The following KIAA1328 variants were observed in gnomAD, a reference collection of about 807,000 sequenced individuals.
The protein encoded by KIAA1328 is KIAA1328, also known as protein hinderin.
KIAA1328 carries 52 observed loss-of-function variants against 68.1 expected under a neutral mutation model. That is an observed-to-expected ratio of 0.76 (90% CI 0.61 to 0.96). The LOEUF (loss-of-function observed/expected upper bound fraction) is 0.96, where lower values mean the gene tolerates loss of function less well. Among genes scored for constraint, KIAA1328 ranks in the 40% least tolerant of loss-of-function variants. The pLI, the probability that KIAA1328 is intolerant of heterozygous loss-of-function variation, is 0.00. For missense variants in KIAA1328, 641 were observed against 677.6 expected (o/e 0.95, Z 0.60); for synonymous variants, 232 against 239.4 (o/e 0.97, Z 0.28).
intron 4 of KIAA1328, among the ~76,000 whole-genome samples, chr18:36,882,589 G>T (rs566554951): frequency 1.3e-5 from 2 of 152,040 alleles, no homozygotes; most frequent in African/African-American, 4.8e-5. Context: ...GCCTTCCAGG[G>T]CTTAATAATT....
At chr18:36,975,062 A>G (rs1048072691) in intron 6 of KIAA1328, among the ~76,000 whole-genome samples, 2 of 152,208 alleles carry the variant, frequency 1.3e-5, no homozygotes, top group Non-Finnish European at 2.9e-5. Flanking sequence ...TCTTGAGTGC[A>G]GAAGAGAGAG....
chr18:37,134,244 C>G (rs1168391587), intron 7 of KIAA1328, among the ~76,000 whole-genome samples: 1 of 152,168 alleles, frequency 6.6e-6, no homozygotes. Context: ...AACTCCTGAC[C>G]TCATGATCTG....
chr18:36,871,659 A>G (rs2047948645), intron 4 of KIAA1328, among the ~76,000 whole-genome samples: 1 of 152,092 alleles, frequency 6.6e-6, no homozygotes, highest in East Asian at 1.9e-4. Context: ...AGTAAAGAAC[A>G]TTGCTGCCAG....
chr18:36,977,223 T>C (rs912164499), intron 6 of KIAA1328, among the ~76,000 whole-genome samples: 51 of 152,216 alleles, frequency 3.4e-4, no homozygotes, highest in Admixed American at 3.3e-3. Flanking sequence ...TCTTTCACTG[T>C]GTATCCTTAA....
intron 4 of KIAA1328, among the ~76,000 whole-genome samples, chr18:36,845,295 G>T (rs2046990362): frequency 6.6e-6 from 1 of 151,638 alleles, no homozygotes; most frequent in African/African-American, 2.4e-5. Flanking sequence ...ATTAATTTCA[G>T]TGTTCTTTTA....
chr18:37,056,801 C>T (rs1296877629), intron 6 of KIAA1328, among the ~76,000 whole-genome samples: 3 of 152,090 alleles, frequency 2.0e-5, no homozygotes, highest in South Asian at 2.1e-4. Context: ...CAGGAGTGCA[C>T]CACCATGCCT....
At chr18:36,864,421 C>T (rs1013449163) in intron 4 of KIAA1328, among the ~76,000 whole-genome samples, 6 of 151,844 alleles carry the variant, frequency 4.0e-5, no homozygotes, top group African/African-American at 1.2e-4. Context: ...CCTGCCTCAG[C>T]CTCCTGAGTA....
rs1012572634 is a variant in KIAA1328, at chr18:37,097,033, A to G, written c.1232+29488A>G. ...CTCCCATTCTGTAGATTGCCTGTTC[A>G]CTCTGATGGTAGTTTCTTTTGCTGT... On this transcript the variant is annotated intron_variant, in intron 7 of 9. Coordinates refer to ENST00000280020, the MANE Select transcript of KIAA1328 (RefSeq NM_020776.3). Among the ~76,000 whole-genome samples, 48 of 151,884 alleles carry G rather than the reference A, an allele frequency of 3.2e-4. 1 individual carries two copies. Among genetic ancestry groups the G allele is most frequent in the African/African-American group, 1.1e-3 (47 of 41,402 alleles).
chr18:37,205,186 A>G (rs2060194529), intron 9 of KIAA1328, among the ~76,000 whole-genome samples: 2 of 152,216 alleles, frequency 1.3e-5, no homozygotes, highest in African/African-American at 2.4e-5. Flanking sequence ...TTTCTGTCCA[A>G]CCATATCATC....
intron 5 of KIAA1328, among the ~76,000 whole-genome samples, chr18:36,907,775 G>A (rs566042860): frequency 2.6e-5 from 4 of 152,104 alleles, no homozygotes; most frequent in Non-Finnish European, 4.4e-5. Flanking sequence ...GAGTTGTGAA[G>A]CATTTCCCCC....
chr18:37,206,380 CAT>C (rs916181949), intron 9 of KIAA1328, among the ~76,000 whole-genome samples: 3 of 152,144 alleles, frequency 2.0e-5, no homozygotes, highest in Admixed American at 6.6e-5. Context: ...CTATGAGGAA[CAT>C]ATCTGTTCTC....
chr18:37,039,828 C>T (rs2055175866), intron 6 of KIAA1328, among the ~76,000 whole-genome samples: 1 of 152,172 alleles, frequency 6.6e-6, no homozygotes, highest in Admixed American at 6.5e-5. Context: ...GGGTTCTCCA[C>T]TGGGGATACT....
Position 36,844,267 on chromosome 18 carries a change from A to C in KIAA1328, c.297A>C (p.Lys99Asn). The change falls in exon 4 of 10, where the codon AAA becomes AAC. Residue 99 changes from lysine to asparagine, a missense_variant. Physicochemically the swap from Lys to Asn is moderately conservative, Grantham distance 94 (BLOSUM62 0). Transcript: ENST00000280020. The part of the protein sequence containing the change: ...ASLKDLCLED[K>N]RRIANLIKEL... ...TGAAGGATTTATGTCTTGAAGACAA[A>C]AGACGCATTGCAAACTTAATTAAAG... 6.2e-7 allele frequency: 1 copy of C among 1,607,194 alleles called. No individual in the cohort carries two copies. The highest frequency in any genetic ancestry group is 8.5e-7 in the Non-Finnish European group (1 of 1,176,626).
chr18:36,901,267 C>T (rs931932085), intron 5 of KIAA1328, among the ~76,000 whole-genome samples: 2 of 151,888 alleles, frequency 1.3e-5, no homozygotes, highest in African/African-American at 2.4e-5. Context: ...GGCATCTTAG[C>T]TTTTTGTTTA....
chr18:37,072,395 A>C (rs2056567802), intron 7 of KIAA1328, among the ~76,000 whole-genome samples: 1 of 149,456 alleles, frequency 6.7e-6, no homozygotes, highest in East Asian at 1.9e-4. Context: ...CTATACATAA[A>C]ATATAATTTC....
intron 7 of KIAA1328, among the ~76,000 whole-genome samples, chr18:37,099,557 T>C (rs946629427): frequency 2.6e-5 from 4 of 152,168 alleles, no homozygotes; most frequent in Admixed American, 6.6e-5. Context: ...TTCTGTTGAT[T>C]TGGGGTGGAG....
intron 5 of KIAA1328, among the ~76,000 whole-genome samples, chr18:36,889,225 G>A (rs1279264812): frequency 6.6e-6 from 1 of 152,146 alleles, no homozygotes; most frequent in Non-Finnish European, 1.5e-5. Flanking sequence ...ACAAAGCCAA[G>A]CAGTCTGATG....
intron 7 of KIAA1328, among the ~76,000 whole-genome samples, chr18:37,074,000 C>T (rs1019317253): frequency 2.0e-5 from 3 of 152,160 alleles, no homozygotes; most frequent in Admixed American, 6.5e-5. Context: ...TCTAACACCA[C>T]CCCAGTGAAG....
chr18:37,015,484 CT>C (rs933476354), intron 6 of KIAA1328, among the ~76,000 whole-genome samples: 3 of 151,910 alleles, frequency 2.0e-5, no homozygotes, highest in South Asian at 2.1e-4. Flanking sequence ...TATTCAAGCT[CT>C]TTTTTTGGTT....
Sources: allele counts gnomAD v4.1 joint callset (sites outside exome capture counted in the v4.1 genomes callset), GRCh38; gene constraint gnomAD v4.1.1; transcripts MANE v1.5; gene names NCBI Gene and HGNC (gene_info 2026-07-23, HGNC 2026-07-21).